ARHGAP24: variants seen among roughly 807,000 people sequenced by gnomAD.
ARHGAP24 encodes Rho GTPase activating protein 24.
In ARHGAP24, 50 loss-of-function variants were observed where a neutral mutation model predicts 76.4. The ratio of observed to expected loss-of-function variants is 0.65; its 90% CI spans 0.52 to 0.83. The LOEUF (loss-of-function observed/expected upper bound fraction) is 0.83. Among genes scored for constraint, ARHGAP24 ranks in the 40% least tolerant of loss-of-function variants. The pLI is 0.00. For synonymous variants in ARHGAP24, 345 were observed against 323.3 expected, an observed-to-expected ratio of 1.07 and a Z score of -0.72; for missense variants, 930 against 914.2, an observed-to-expected ratio of 1.02 and a Z score of -0.22.
intron 3 of ARHGAP24, among the ~76,000 whole-genome samples, chr4:85,789,220 T>TAAAA (rs35635619): frequency 1.0e-4 from 13 of 128,342 alleles, no homozygotes; most frequent in South Asian, 7.6e-4. Context: ...GAACCTCCAT[T>TAAAA]AAAAAAAAAA....
At chr4:85,928,546 C>T (rs1485215905) in intron 4 of ARHGAP24, among the ~76,000 whole-genome samples, 1 of 152,170 alleles carries the variant, frequency 6.6e-6, no homozygotes, top group Non-Finnish European at 1.5e-5. Flanking sequence ...CAACCTCTGC[C>T]TCCCTGGTTC....
chr4:85,861,000 G>GCACACACACACA (rs70948764), intron 3 of ARHGAP24, among the ~76,000 whole-genome samples: 3 of 137,508 alleles, frequency 2.2e-5, no homozygotes, highest in African/African-American at 5.9e-5. Flanking sequence ...GTGCATGCAC[G>GCACACACACACA]CACACACACA....
intron 3 of ARHGAP24, among the ~76,000 whole-genome samples, chr4:85,783,350 T>C (rs1023767541): frequency 6.6e-6 from 1 of 152,238 alleles, no homozygotes; most frequent in Non-Finnish European, 1.5e-5. Flanking sequence ...GTTGGGGACC[T>C]ACATTGTTTC....
intron 4 of ARHGAP24, among the ~76,000 whole-genome samples, chr4:85,924,523 A>G (rs1375048445): frequency 6.6e-6 from 1 of 152,176 alleles, no homozygotes; most frequent in Non-Finnish European, 1.5e-5. Context: ...CCTAATTTTT[A>G]TATGGTGATA....
At chr4:85,862,067 A>G (rs781420188) in intron 3 of ARHGAP24, among the ~76,000 whole-genome samples, 6 of 151,974 alleles carry the variant, frequency 3.9e-5, no homozygotes, top group Non-Finnish European at 7.4e-5. Flanking sequence ...CATTTTAAGT[A>G]CCTTGGGTGC....
At chr4:85,894,624 G>C (rs1734038663) in intron 3 of ARHGAP24, among the ~76,000 whole-genome samples, 1 of 152,132 alleles carries the variant, frequency 6.6e-6, no homozygotes, top group Non-Finnish European at 1.5e-5. Context: ...ATTCATTAAA[G>C]TATTTAGCAG....
intron 3 of ARHGAP24, among the ~76,000 whole-genome samples, chr4:85,774,624 T>C (rs1727243569): frequency 6.6e-6 from 1 of 152,190 alleles, no homozygotes; most frequent in Non-Finnish European, 1.5e-5. Flanking sequence ...ACAGACGATA[T>C]TCTGGCAAGT....
At chr4:85,799,667 A>G (rs900157717) in intron 3 of ARHGAP24, among the ~76,000 whole-genome samples, 2 of 152,212 alleles carry the variant, frequency 1.3e-5, no homozygotes, top group Non-Finnish European at 2.9e-5. Flanking sequence ...GTAAATTTGC[A>G]TAGACTCCAA....
intron 2 of ARHGAP24, among the ~76,000 whole-genome samples, chr4:85,585,378 C>A (rs892638999): frequency 3.3e-5 from 5 of 152,200 alleles, no homozygotes; most frequent in African/African-American, 1.2e-4. Flanking sequence ...GGACAGAGAA[C>A]TGAGAAGAGT....
chr4:85,896,876 C>T (rs566562698), intron 3 of ARHGAP24, among the ~76,000 whole-genome samples: 2 of 152,254 alleles, frequency 1.3e-5, no homozygotes, highest in South Asian at 4.1e-4. Flanking sequence ...TATCATGCTC[C>T]CATAGTAGAG....
intron 8 of ARHGAP24, among the ~76,000 whole-genome samples, chr4:85,987,035 A>G (rs998978681): frequency 6.6e-6 from 1 of 152,126 alleles, no homozygotes; most frequent in Non-Finnish European, 1.5e-5. Flanking sequence ...GATACATGAC[A>G]TTATGTATTT....
chr4:85,732,037 TG>T (rs2110052815), intron 3 of ARHGAP24, among the ~76,000 whole-genome samples: 1 of 152,364 alleles, frequency 6.6e-6, no homozygotes, highest in East Asian at 1.9e-4. Context: ...CTTTGTGATA[TG>T]GTTTTAATTA....
chr4:85,536,328 A>G (rs1308460967), intron 1 of ARHGAP24, among the ~76,000 whole-genome samples: 1 of 152,146 alleles, frequency 6.6e-6, no homozygotes, highest in African/African-American at 2.4e-5. Flanking sequence ...TTCTGTGAGA[A>G]AGGTAATGTT....
chr4:85,519,039 A>C (rs1476239546), intron 1 of ARHGAP24, among the ~76,000 whole-genome samples: 1 of 152,164 alleles, frequency 6.6e-6, no homozygotes, highest in Non-Finnish European at 1.5e-5. Flanking sequence ...AATGGCTAAC[A>C]AACATATGAA....
At chr4:85,745,320 G>GTA in intron 3 of ARHGAP24, among the ~76,000 whole-genome samples, 1 of 146,920 alleles carries the variant, frequency 6.8e-6, no homozygotes, top group East Asian at 2.0e-4. Flanking sequence ...AGTAGTATAT[G>GTA]TATATATACA....
chr4:85,479,547 A>G (rs1174116007), intron 1 of ARHGAP24, among the ~76,000 whole-genome samples: 1 of 152,206 alleles, frequency 6.6e-6, no homozygotes, highest in Non-Finnish European at 1.5e-5. Flanking sequence ...AATTTTGGCT[A>G]TTTAATAATT....
At chr4:85,564,969 T>TATATATATATAC (rs1553914961) in intron 1 of ARHGAP24, among the ~76,000 whole-genome samples, 1 of 105,346 alleles carries the variant, frequency 9.5e-6, no homozygotes, top group Non-Finnish European at 2.0e-5. Flanking sequence ...TATATATATA[T>TATATATATATAC]ACCCACACCC....
intron 1 of ARHGAP24, among the ~76,000 whole-genome samples, chr4:85,498,397 T>C (rs1469243906): frequency 1.3e-5 from 2 of 152,230 alleles, no homozygotes; most frequent in Admixed American, 1.3e-4. Context: ...GTTGTGTTGC[T>C]ATCTTCTCTG....
chr4:85,497,681 G>A (rs1560509259), intron 1 of ARHGAP24, among the ~76,000 whole-genome samples: 1 of 152,154 alleles, frequency 6.6e-6, no homozygotes, highest in African/African-American at 2.4e-5. Flanking sequence ...TTAGCTGGAC[G>A]TGGTGGTGCA....
Sources: gnomAD v4.1 joint callset for allele counts (sites outside exome capture counted in the v4.1 genomes callset) on GRCh38, gnomAD v4.1.1 for gene constraint, MANE v1.5 for transcripts, NCBI Gene and HGNC (gene_info 2026-07-23, HGNC 2026-07-21) for gene names.